The following PITPNA variants were observed in gnomAD, a reference collection of about 807,000 sequenced individuals.
PITPNA encodes the protein phosphatidylinositol transfer protein alpha isoform.
A neutral mutation model predicts 50.3 loss-of-function variants in PITPNA; 13 were observed. That is an observed-to-expected ratio of 0.26 (90% CI 0.17 to 0.41). The LOEUF (loss-of-function observed/expected upper bound fraction) is 0.41, where lower values mean the gene tolerates loss of function less well. Ranked by LOEUF, PITPNA falls within the 10% of genes least tolerant of loss-of-function variation. The probability of loss-of-function intolerance (pLI) is 1.00; values close to 1 mark genes in which losing one functional copy is unlikely to be tolerated. For missense variants in PITPNA, 207 were observed against 333.4 expected, an observed-to-expected ratio of 0.62 and a Z score of 2.95; for synonymous variants, 120 against 119.6, an observed-to-expected ratio of 1.00 and a Z score of -0.02.
At chr17:1,541,742 G>C (rs756267494) in intron 5 of PITPNA, 102 bp from the exon 6 acceptor site, 1 of 776,156 alleles carries the variant, frequency 1.3e-6, no homozygotes, top group South Asian at 1.5e-5. Flanking sequence ...TGGGCAGCTA[G>C]GAGATTCCAG....
chr17:1,537,493 C>G (rs1429876522), intron 7 of PITPNA, among the ~76,000 whole-genome samples: 2 of 152,192 alleles, frequency 1.3e-5, no homozygotes, highest in Non-Finnish European at 2.9e-5. Flanking sequence ...GCCAATGTGC[C>G]CAGCCTCTGA....
chr17:1,553,240 C>T, intron 2 of PITPNA, 91 bp from the exon 3 acceptor site: 31 of 1,406,698 alleles, frequency 2.2e-5, no homozygotes, highest in Admixed American at 1.1e-4. Flanking sequence ...AACTGGATCT[C>T]CCTGGGGTCT....
chr17:1,522,273 T>G (rs887087444), intron 10 of PITPNA, among the ~76,000 whole-genome samples: 6 of 150,304 alleles, frequency 4.0e-5, no homozygotes, highest in Non-Finnish European at 5.9e-5. Context: ...GGGTTTCACC[T>G]TGTTAGCCAG....
Position 1,562,632 on chromosome 17 carries a change from C to G in PITPNA, c.-72G>C. 4.6e-6 allele frequency: 5 copies of G among 1,094,538 alleles called. No homozygotes were observed. The highest frequency in any genetic ancestry group is 5.7e-6 in the Non-Finnish European group (5 of 878,174). The allele number at this position is 1,094,538 out of a possible 1,614,324, so 67.8% of individuals were successfully genotyped here. On this transcript the variant is annotated 5_prime_UTR_variant, in exon 1 of 12. Transcript: ENST00000313486. This position sits in a 1 kb window ranked among gnomAD's most constrained non-coding sequence, Gnocchi z 6.4. Reference sequence around the variant, plus strand: ...CCCGCTGCCCGCCGGCCGCTCTCCCCGTGGCCCGGCCCGGCCCGGCTGCCT... The same window carrying G: ...CCCGCTGCCCGCCGGCCGCTCTCCCGGTGGCCCGGCCCGGCCCGGCTGCCT...
At chr17:1,557,956 T>C (rs561724030) in intron 2 of PITPNA, among the ~76,000 whole-genome samples, 104 of 151,940 alleles carry the variant, frequency 6.8e-4, no homozygotes, top group African/African-American at 2.3e-3. Flanking sequence ...CCCGGCCGGG[T>C]GTGGGGGCTC....
chr17:1,561,159 TC>T (rs1366566606), intron 1 of PITPNA: 4 of 152,182 alleles, frequency 2.6e-5, no homozygotes, highest in Admixed American at 2.0e-4. Context: ...ACCCATCCTA[TC>T]TCTCCTCTTT....
chr17:1,522,885 A>G (rs1477940319), intron 10 of PITPNA, among the ~76,000 whole-genome samples: 1 of 152,242 alleles, frequency 6.6e-6, no homozygotes, highest in Non-Finnish European at 1.5e-5. Context: ...AGAAGCTTGT[A>G]TGTGAGGTTT....
chr17:1,549,000 C>G (rs780104350), intron 3 of PITPNA, among the ~76,000 whole-genome samples: 1 of 152,150 alleles, frequency 6.6e-6, no homozygotes, highest in Non-Finnish European at 1.5e-5. Flanking sequence ...CTCCAGGGTC[C>G]CAGTTCAAGC....
intron 7 of PITPNA, among the ~76,000 whole-genome samples, chr17:1,536,950 G>A (rs1426917771): frequency 7.1e-6 from 1 of 140,796 alleles, no homozygotes; most frequent in South Asian, 2.4e-4. Flanking sequence ...CCAGGATGAA[G>A]TGCAGTGGCA....
intron 1 of PITPNA, among the ~76,000 whole-genome samples, chr17:1,558,971 C>A (rs563619377): frequency 6.6e-6 from 1 of 152,190 alleles, no homozygotes; most frequent in East Asian, 1.9e-4. Flanking sequence ...AATGAGTCGT[C>A]CCCCCAACAA....
chr17:1,547,525 C>G (rs1335059224), intron 4 of PITPNA, among the ~76,000 whole-genome samples: 1 of 151,756 alleles, frequency 6.6e-6, no homozygotes, highest in Admixed American at 6.6e-5. Context: ...TGGTGTATGC[C>G]TGTAATTCCA....
At chr17:1,520,788 T>C (rs1034673956) in intron 11 of PITPNA, among the ~76,000 whole-genome samples, 1 of 152,104 alleles carries the variant, frequency 6.6e-6, no homozygotes, top group Non-Finnish European at 1.5e-5. Context: ...GGGCCTGCCG[T>C]CACTCCTGGT....
At chr17:1,538,079 C>T (rs1336039282) in intron 7 of PITPNA, among the ~76,000 whole-genome samples, 1 of 152,084 alleles carries the variant, frequency 6.6e-6, no homozygotes, top group Non-Finnish European at 1.5e-5. Context: ...GAACTACAGG[C>T]GTGAGCCACC....
Position 1,545,917 on chromosome 17 carries a change from C to CTTTTTTT in PITPNA, c.289+2372_289+2378dup, listed in dbSNP as rs11322049. On this transcript the variant is annotated intron_variant, in intron 4 of 11. Transcript: ENST00000313486. ...CACACCCAGCCACACTGCATACTGC[C>CTTTTTTT]TTTTTTTTTTTTTTTTTTTTTTTTT... Among the ~76,000 whole-genome samples the CTTTTTTT allele has an allele frequency of 7.3e-4, 63 of 86,364 alleles. 1 individual carries two copies. The highest frequency in any genetic ancestry group is 3.0e-3 in the African/African-American group (61 of 20,318). 56.7% of individuals were successfully genotyped at this position (86,364 alleles called of 152,430 possible). A position where few individuals can be genotyped will look rare whatever the true frequency, so the allele number is the denominator to read the frequency against.
chr17:1,521,670 T>C (rs762524159), intron 10 of PITPNA, 25 bp from the exon 11 acceptor site: 1 of 1,604,774 alleles, frequency 6.2e-7, no homozygotes, highest in Admixed American at 1.7e-5. Flanking sequence ...GCAGGACAAA[T>C]GGAAGGCTCC....
At chr17:1,536,522 C>T (rs985440205) in intron 7 of PITPNA, among the ~76,000 whole-genome samples, 1 of 152,036 alleles carries the variant, frequency 6.6e-6, no homozygotes, top group Non-Finnish European at 1.5e-5. Flanking sequence ...ATCTCCTGAC[C>T]TCGTGATCCG....
At position 1,543,004 on chromosome 17, in the gene PITPNA, C is replaced by G; in HGVS notation, c.297+16G>C. The G allele has an allele frequency of 6.3e-7, 1 of 1,579,690 alleles. No homozygotes were observed. Among genetic ancestry groups the G allele is most frequent in the Non-Finnish European group, 8.6e-7 (1 of 1,163,674 alleles). ...TATACATCATCTACAGTTCCAACCC[C>G]CTTGACAATACTTACTGTAATAACT... On this transcript the variant is annotated intron_variant, in intron 5 of 11. Transcript: ENST00000313486.
intron 10 of PITPNA, among the ~76,000 whole-genome samples, chr17:1,525,379 A>C (rs1484374653): frequency 6.6e-6 from 1 of 152,138 alleles, no homozygotes; most frequent in Non-Finnish European, 1.5e-5. Flanking sequence ...ATGTGTATAG[A>C]AGCTCTGAAG....
chr17:1,560,516 C>G (rs777312488), intron 1 of PITPNA, among the ~76,000 whole-genome samples: 20 of 152,226 alleles, frequency 1.3e-4, no homozygotes, highest in Non-Finnish European at 1.8e-4. Context: ...TTTTCCCTTG[C>G]AGGCTTCAAG....
Sources: allele counts gnomAD v4.1 joint callset (sites outside exome capture counted in the v4.1 genomes callset), GRCh38; gene constraint gnomAD v4.1.1; non-coding constraint Gnocchi (gnomAD v3.1); transcripts MANE v1.5; gene names NCBI Gene and HGNC (gene_info 2026-07-23, HGNC 2026-07-21).